MBD5: variants seen among roughly 807,000 people sequenced by gnomAD.
The protein encoded by MBD5 is methyl-CpG-binding domain protein 5.
MBD5 carries 13 observed loss-of-function variants against 117.3 expected under a neutral mutation model. That is an observed-to-expected ratio of 0.11 (90% CI 0.07 to 0.18). The LOEUF (loss-of-function observed/expected upper bound fraction) is 0.18. Ranked by LOEUF, MBD5 falls within the 10% of genes least tolerant of loss-of-function variation. The pLI, the probability that MBD5 is intolerant of heterozygous loss-of-function variation, is 1.00. For synonymous variants in MBD5, 727 were observed against 766.4 expected, an observed-to-expected ratio of 0.95 and a Z score of 0.85; for missense variants, 1,879 against 2,093.8, an observed-to-expected ratio of 0.90 and a Z score of 2.00.
At chr2:148,473,640 T>A (rs547272848) in intron 8 of MBD5, among the ~76,000 whole-genome samples, 1 of 152,192 alleles carries the variant, frequency 6.6e-6, no homozygotes, top group Admixed American at 6.6e-5. Context: ...AGTCTTCCTA[T>A]GCAAAACAAT....
chr2:148,029,317 A>G (rs1693977577), intron 1 of MBD5, among the ~76,000 whole-genome samples: 1 of 152,124 alleles, frequency 6.6e-6, no homozygotes, highest in Non-Finnish European at 1.5e-5. Flanking sequence ...TGTATTATTT[A>G]AATGGTCCAC....
chr2:148,376,666 G>T (rs1703996176), intron 4 of MBD5, among the ~76,000 whole-genome samples: 1 of 143,716 alleles, frequency 7.0e-6, no homozygotes, highest in South Asian at 2.2e-4. Flanking sequence ...GTACTGTATT[G>T]GTCAGGGTTC....
rs1285689404 is a variant in MBD5 at position 148,070,552 on chromosome 2, G to A, written c.-925+48868G>A. ...TTAATAGAGAAATTGGTAGGATAGA[G>A]GGTATAAAACTCTGAGGGCCATATC... On this transcript the variant is annotated intron_variant, in intron 1 of 13. Transcript: ENST00000642680. Among the ~76,000 whole-genome samples the A allele has an allele frequency of 2.6e-5, 4 of 152,118 alleles. No homozygotes were observed. In the East Asian group the frequency reaches 5.8e-4, roughly 22 times the overall value.
At chr2:148,250,816 A>G (rs1290278511) in intron 3 of MBD5, among the ~76,000 whole-genome samples, 1 of 152,134 alleles carries the variant, frequency 6.6e-6, no homozygotes, top group Non-Finnish European at 1.5e-5. Context: ...GTAGATGTAA[A>G]TGCCTTGCCC....
intron 2 of MBD5, among the ~76,000 whole-genome samples, chr2:148,186,783 A>G (rs1041439589): frequency 6.6e-6 from 1 of 152,212 alleles, no homozygotes; most frequent in African/African-American, 2.4e-5. Context: ...AAGACATGAA[A>G]AAGTAGGAAA....
At chr2:148,308,606 G>A (rs1701955240) in intron 3 of MBD5, among the ~76,000 whole-genome samples, 1 of 148,900 alleles carries the variant, frequency 6.7e-6, no homozygotes, top group Non-Finnish European at 1.5e-5. Flanking sequence ...CTGTAGGTGG[G>A]CTGTTCACTC....
intron 3 of MBD5, among the ~76,000 whole-genome samples, chr2:148,259,610 G>A (rs1324134176): frequency 6.6e-6 from 1 of 152,184 alleles, no homozygotes; most frequent in East Asian, 1.9e-4. Context: ...AAAAACACTC[G>A]AGGAATTGTA....
intron 3 of MBD5, among the ~76,000 whole-genome samples, chr2:148,298,885 G>C (rs6709521): frequency 0.94 from 143,516 of 152,206 alleles, 68,177 homozygotes; most frequent in East Asian, 1. Context: ...TTCTGTAGGT[G>C]ATATACAAGG....
rs567494430 is a variant in MBD5, at chr2:148,398,571, G to C, written c.-557+56235G>C. ...GTATTAGCCCTTTGTCAGATGAGTA[G>C]ATTGCAAAAAGTTTCTCCCATTCTG... On this transcript the variant is annotated intron_variant, in intron 4 of 13. Coordinates refer to ENST00000642680, the MANE Select transcript of MBD5 (RefSeq NM_001378120.1). 2.9e-3 allele frequency among the ~76,000 whole-genome samples: 437 copies of C among 152,252 alleles called. 2 individuals are homozygous for C. The highest frequency in any genetic ancestry group is 6.6e-3 in the Admixed American group (101 of 15,304).
chr2:148,067,893 T>G (rs952889459), intron 1 of MBD5, among the ~76,000 whole-genome samples: 1 of 152,260 alleles, frequency 6.6e-6, no homozygotes, highest in African/African-American at 2.4e-5. Context: ...CTCTGTTTCC[T>G]TGGTAATCTG....
At chr2:148,113,304 T>C (rs1028644068) in intron 1 of MBD5, among the ~76,000 whole-genome samples, 1 of 152,234 alleles carries the variant, frequency 6.6e-6, no homozygotes, top group African/African-American at 2.4e-5. Context: ...AGTTAAACTT[T>C]TGTGTAACAT....
At chr2:148,325,471 C>G (rs1702420456) in intron 3 of MBD5, among the ~76,000 whole-genome samples, 2 of 152,116 alleles carry the variant, frequency 1.3e-5, no homozygotes, top group African/African-American at 4.8e-5. Flanking sequence ...GTCCTGGACT[C>G]TTTTTCGTTG....
At chr2:148,345,696 T>C (rs1405117852) in intron 4 of MBD5, among the ~76,000 whole-genome samples, 1 of 148,758 alleles carries the variant, frequency 6.7e-6, no homozygotes, top group Non-Finnish European at 1.5e-5. Context: ...TGTGTATATA[T>C]GTATTATATA....
intron 7 of MBD5, among the ~76,000 whole-genome samples, chr2:148,466,433 A>G (rs1404311490): frequency 6.6e-6 from 1 of 152,158 alleles, no homozygotes; most frequent in Non-Finnish European, 1.5e-5. Context: ...TGTTAGTTGA[A>G]TATAAAAATT....
At chr2:148,358,331 C>G (rs1703438887) in intron 4 of MBD5, among the ~76,000 whole-genome samples, 1 of 151,864 alleles carries the variant, frequency 6.6e-6, no homozygotes, top group Non-Finnish European at 1.5e-5. Context: ...TATAACACAG[C>G]CCAAGATATA....
rs535527128 is a variant in MBD5, at chr2:148,445,251, A to AG, written c.-556-12952_-556-12951insG. ...TGCTGCACCCATTAACTCGTCATTT[A>AG]CATTAGGTGTATCTCCTAATGCTAT... On this transcript the variant is annotated intron_variant, in intron 4 of 13. Coordinates refer to ENST00000642680, the MANE Select transcript of MBD5 (RefSeq NM_001378120.1). 1.6e-3 allele frequency among the ~76,000 whole-genome samples: 244 copies of AG among 151,078 alleles called. 3 individuals are homozygous for AG. The highest frequency in any genetic ancestry group is 6.8e-3 in the Middle Eastern group (2 of 294).
intron 5 of MBD5, among the ~76,000 whole-genome samples, chr2:148,460,743 G>T (rs976705334): frequency 6.6e-6 from 1 of 152,178 alleles, no homozygotes; most frequent in African/African-American, 2.4e-5. Context: ...CTGACTTTTT[G>T]AGAGGAAATG....
chr2:148,127,966 G>A (rs1251952827), intron 1 of MBD5, among the ~76,000 whole-genome samples: 1 of 152,104 alleles, frequency 6.6e-6, no homozygotes, highest in Non-Finnish European at 1.5e-5. Flanking sequence ...GTTTTAATTT[G>A]CATTTCTCTA....
At chr2:148,069,648 AC>A (rs1336656219) in intron 1 of MBD5, among the ~76,000 whole-genome samples, 1 of 151,044 alleles carries the variant, frequency 6.6e-6, no homozygotes, top group Admixed American at 6.6e-5. Flanking sequence ...CTTTTCCCTG[AC>A]CTTTTTAATG....
Sources: allele counts gnomAD v4.1 joint callset (sites outside exome capture counted in the v4.1 genomes callset), GRCh38; gene constraint gnomAD v4.1.1; transcripts MANE v1.5; gene names NCBI Gene and HGNC (gene_info 2026-07-23, HGNC 2026-07-21).